CSMD1: variants seen among roughly 807,000 people sequenced by gnomAD.
CSMD1 encodes CUB and Sushi multiple domains 1.
In CSMD1, 213 loss-of-function variants were observed where a neutral mutation model predicts 417.5. The observed-to-expected ratio is 0.51, with a 90% CI of 0.46 to 0.57. CSMD1 has a LOEUF of 0.57. CSMD1 is among the 20% of genes least tolerant of loss of function. CSMD1 has a pLI of 0.00. For synonymous variants in CSMD1, 2,862 were observed against 1,736.8 expected (o/e 1.65, Z -16.11); for missense variants, 6,923 against 4,529.7 (o/e 1.53, Z -15.17).
intron 10 of CSMD1, among the ~76,000 whole-genome samples, chr8:3,509,034 G>C (rs1393650120): frequency 1.3e-5 from 2 of 152,128 alleles, no homozygotes; most frequent in Non-Finnish European, 2.9e-5. Context: ...ATCTGACCTT[G>C]GGCAAGACAC....
intron 10 of CSMD1, among the ~76,000 whole-genome samples, chr8:3,543,677 G>C (rs1798538216): frequency 6.6e-6 from 1 of 152,092 alleles, no homozygotes; most frequent in African/African-American, 2.4e-5. Context: ...GAAGAAAAGA[G>C]TGTGAGAGGA....
intron 5 of CSMD1, among the ~76,000 whole-genome samples, chr8:3,771,511 G>A (rs1022153687): frequency 1.3e-5 from 2 of 152,120 alleles, no homozygotes; most frequent in East Asian, 1.9e-4. Context: ...ACAACAGTTT[G>A]GAGCTTCTGC....
chr8:3,955,802 C>G (rs992366833), intron 5 of CSMD1, among the ~76,000 whole-genome samples: 4 of 152,170 alleles, frequency 2.6e-5, no homozygotes, highest in African/African-American at 9.6e-5. Flanking sequence ...TCAATCATAT[C>G]TCTGGTTGAT....
At chr8:3,532,672 T>TA (rs980392786) in intron 10 of CSMD1, among the ~76,000 whole-genome samples, 1 of 152,180 alleles carries the variant, frequency 6.6e-6, no homozygotes, top group African/African-American at 2.4e-5. Flanking sequence ...ATTATAATTA[T>TA]AAAAAATAAT....
At chr8:3,389,584 G>A (rs1811221721) in intron 17 of CSMD1, among the ~76,000 whole-genome samples, 1 of 151,958 alleles carries the variant, frequency 6.6e-6, no homozygotes, top group African/African-American at 2.4e-5. Context: ...ATGCACTACG[G>A]CAAAACAGTA....
At chr8:4,691,867 A>G (rs556992735) in intron 1 of CSMD1, among the ~76,000 whole-genome samples, 1 of 152,298 alleles carries the variant, frequency 6.6e-6, no homozygotes, top group South Asian at 2.1e-4. Flanking sequence ...CTTCTCAAAC[A>G]CACTCCTGTG....
chr8:3,913,158 T>A (rs750968960), intron 5 of CSMD1, among the ~76,000 whole-genome samples: 1 of 152,050 alleles, frequency 6.6e-6, no homozygotes, highest in African/African-American at 2.4e-5. Flanking sequence ...CCATGTTACA[T>A]CGACAGGGAG....
rs189382105 is a variant in CSMD1, at chr8:3,669,588, C to T, written c.1009+38826G>A. ...GAATGTAGCCTGAATGAGACTCTTC[C>T]GGACAGAAAATCACGACAGGGAAGA... On this transcript the variant is annotated intron_variant, in intron 7 of 69. Coordinates refer to ENST00000635120, the MANE Select transcript of CSMD1 (RefSeq NM_033225.6). Among the ~76,000 whole-genome samples, 84 of 152,280 alleles carry T rather than the reference C, an allele frequency of 5.5e-4. 1 individual carries two copies. The highest frequency in any genetic ancestry group is 2.1e-3 in the Admixed American group (32 of 15,284).
At chr8:4,956,426 T>C (rs941629795) in intron 1 of CSMD1, among the ~76,000 whole-genome samples, 188 of 149,326 alleles carry the variant, frequency 1.3e-3, no homozygotes, top group African/African-American at 4.4e-3. Flanking sequence ...AAAATTCATA[T>C]GTGCATATAT....
At chr8:4,457,141 C>T (rs943271089) in intron 2 of CSMD1, among the ~76,000 whole-genome samples, 1 of 151,934 alleles carries the variant, frequency 6.6e-6, no homozygotes, top group Non-Finnish European at 1.5e-5. Flanking sequence ...ATTCCTATAC[C>T]TTTTGATACC....
chr8:4,565,802 ACATATATATATT>A (rs1798580777), intron 2 of CSMD1, among the ~76,000 whole-genome samples: 6 of 117,260 alleles, frequency 5.1e-5, no homozygotes, highest in African/African-American at 1.6e-4. Context: ...ATATATGTAT[ACATATATATATT>A]ATATACACAC....
intron 2 of CSMD1, among the ~76,000 whole-genome samples, chr8:4,473,598 T>A (rs1704402819): frequency 6.6e-6 from 1 of 152,320 alleles, no homozygotes; most frequent in Non-Finnish European, 1.5e-5. Flanking sequence ...ACGGACAAGA[T>A]GACATTGTAC....
chr8:3,331,453 G>A (rs911720117), intron 23 of CSMD1, among the ~76,000 whole-genome samples: 2 of 152,140 alleles, frequency 1.3e-5, no homozygotes, highest in Non-Finnish European at 2.9e-5. Context: ...GTATCAGTGG[G>A]AAGCTCTTGA....
At chr8:3,174,274 G>A (rs1285932424) in intron 37 of CSMD1, among the ~76,000 whole-genome samples, 1 of 152,144 alleles carries the variant, frequency 6.6e-6, no homozygotes, top group Non-Finnish European at 1.5e-5. Context: ...TGCAAAGATG[G>A]CTTAAGCTCA....
chr8:3,091,292 T>C (rs188008132), intron 48 of CSMD1, among the ~76,000 whole-genome samples: 1 of 152,202 alleles, frequency 6.6e-6, no homozygotes, highest in Non-Finnish European at 1.5e-5. Flanking sequence ...ATTTCAGCAG[T>C]TTATAATTTT....
chr8:3,667,330 G>A (rs1463594371), intron 7 of CSMD1, among the ~76,000 whole-genome samples: 1 of 152,066 alleles, frequency 6.6e-6, no homozygotes, highest in Non-Finnish European at 1.5e-5. Context: ...TGAAGGGGTG[G>A]CAGGTGTCCC....
At chr8:4,181,074 C>G (rs1178104054) in intron 3 of CSMD1, among the ~76,000 whole-genome samples, 1 of 152,068 alleles carries the variant, frequency 6.6e-6, no homozygotes, top group African/African-American at 2.4e-5. Flanking sequence ...GAAAATAGGA[C>G]AACAGACCTA....
chr8:4,117,951 G>GAAAAA (rs5889017), intron 3 of CSMD1, among the ~76,000 whole-genome samples: 3 of 145,172 alleles, frequency 2.1e-5, no homozygotes, highest in Non-Finnish European at 3.0e-5. Flanking sequence ...AAGTCAATAG[G>GAAAAA]AAAAAAAAAA....
At chr8:4,828,270 C>T (rs1030939579) in intron 1 of CSMD1, among the ~76,000 whole-genome samples, 1 of 152,140 alleles carries the variant, frequency 6.6e-6, no homozygotes, top group South Asian at 2.1e-4. Flanking sequence ...GCACTTAGTA[C>T]TTTTGTTACC....
Sources: allele counts gnomAD v4.1 joint callset (sites outside exome capture counted in the v4.1 genomes callset), GRCh38; gene constraint gnomAD v4.1.1; transcripts MANE v1.5; gene names NCBI Gene and HGNC (gene_info 2026-07-23, HGNC 2026-07-21).